RGL1: variants seen among roughly 807,000 people sequenced by gnomAD.
RGL1 encodes ral guanine nucleotide dissociation stimulator-like 1.
In RGL1, 24 loss-of-function variants were observed where a neutral mutation model predicts 95.2. The observed-to-expected ratio is 0.25, with a 90% CI of 0.18 to 0.35. RGL1 has a LOEUF of 0.35. Ranked by LOEUF, RGL1 falls within the 10% of genes least tolerant of loss-of-function variation. The probability of loss-of-function intolerance (pLI) is 1.00; values close to 1 mark genes in which losing one functional copy is unlikely to be tolerated. For missense variants in RGL1, 715 were observed against 936.3 expected (o/e 0.76, Z 3.08); for synonymous variants, 329 against 344.9 (o/e 0.95, Z 0.51).
chr1:183,676,039 CAGG>C (rs1217878857), intron 1 of RGL1, among the ~76,000 whole-genome samples: 3 of 152,038 alleles, frequency 2.0e-5, no homozygotes, highest in Admixed American at 1.3e-4. Flanking sequence ...CCCAACTACT[CAGG>C]AGGCTGAGGT....
intron 11 of RGL1, among the ~76,000 whole-genome samples, chr1:183,900,508 A>T (rs1470165430): frequency 6.6e-6 from 1 of 152,052 alleles, no homozygotes; most frequent in Admixed American, 6.6e-5. Flanking sequence ...GATGACAATT[A>T]TTATTATTTT....
At chr1:183,661,690 C>T (rs1244053252) in intron 1 of RGL1, among the ~76,000 whole-genome samples, 1 of 149,388 alleles carries the variant, frequency 6.7e-6, no homozygotes, top group African/African-American at 2.6e-5. Flanking sequence ...AGAGGGAATC[C>T]TCCCTAACTC....
chr1:183,735,802 C>T (rs1656903444), intron 1 of RGL1, among the ~76,000 whole-genome samples: 1 of 152,264 alleles, frequency 6.6e-6, no homozygotes, highest in African/African-American at 2.4e-5. Context: ...TCTGTCTGTG[C>T]CCCAGTTTCC....
chr1:183,916,573 C>A lies in RGL1; in HGVS notation c.1876C>A (p.Arg626Ser), dbSNP rs778051987. ...SCNNNPKIHK[R>S]SVSVTSITST... Reference sequence around the variant, plus strand: ...CAACAACAACCCCAAAATCCACAAGCGCTCTGTCTCGGTGACGTCCATTAC... The same window carrying A: ...CAACAACAACCCCAAAATCCACAAGAGCTCTGTCTCGGTGACGTCCATTAC... The change falls in exon 16 of 18, where the codon CGC becomes AGC. Residue 626 changes from arginine (R) to serine (S), a missense_variant. Around this residue, in one of 3 missense-constraint regions of RGL1, gnomAD observed 330 missense variants for 429.6 expected, o/e 0.77. Transcript: ENST00000360851. 6.2e-7 allele frequency: 1 copy of A among 1,613,990 alleles called. No individual in the cohort carries two copies. Among genetic ancestry groups the A allele is most frequent in the Non-Finnish European group, 8.5e-7 (1 of 1,179,986 alleles).
At chr1:183,788,219 C>T (rs1222382553) in intron 2 of RGL1, among the ~76,000 whole-genome samples, 1 of 152,186 alleles carries the variant, frequency 6.6e-6, no homozygotes. Flanking sequence ...CACATATCTG[C>T]TGTCTGCAAC....
chr1:183,895,203 G>A (rs1667621450), intron 9 of RGL1, among the ~76,000 whole-genome samples: 1 of 152,172 alleles, frequency 6.6e-6, no homozygotes, highest in African/African-American at 2.4e-5. Context: ...ATAATTGCTG[G>A]TAGCTACTGA....
At position 183,884,822 on chromosome 1, in the gene RGL1, A is replaced by G. The variant is rs1667022356; in HGVS notation, c.835A>G (p.Thr279Ala). 6.2e-7 allele frequency: 1 copy of G among 1,614,048 alleles called. No individual in the cohort carries two copies. The highest frequency in any genetic ancestry group is 8.5e-7 in the Non-Finnish European group (1 of 1,180,012). Residue 279 changes from threonine to alanine, a missense_variant, in exon 7 of 18, where the codon ACC becomes GCC. This residue lies in a region of RGL1 where 381 missense variants were observed against 484.8 expected (regional missense o/e 0.79). Coordinates refer to ENST00000360851, the MANE Select transcript of RGL1 (RefSeq NM_001297671.3). Reference sequence around the variant, plus strand: ...ACATTTGGCTCCTACGATCCGTGCCACCATCTCTCAGTTTAATACCCTCAC... The same window carrying G: ...ACATTTGGCTCCTACGATCCGTGCCGCCATCTCTCAGTTTAATACCCTCAC... ...NKHLAPTIRATISQFNTLTKC... is the reference protein window; with the variant it reads ...NKHLAPTIRAAISQFNTLTKC...
At chr1:183,743,087 C>G (rs188433080) in intron 2 of RGL1, among the ~76,000 whole-genome samples, 202 of 152,258 alleles carry the variant, frequency 1.3e-3, no homozygotes, top group South Asian at 3.5e-3. Flanking sequence ...TCATAGCTTA[C>G]TGCTGCCTGG....
intron 2 of RGL1, among the ~76,000 whole-genome samples, chr1:183,794,587 C>G (rs532819241): frequency 1.4e-4 from 22 of 152,270 alleles, no homozygotes; most frequent in Non-Finnish European, 2.9e-4. Context: ...TCACACTGTT[C>G]ATTTATCTTT....
intron 2 of RGL1, among the ~76,000 whole-genome samples, chr1:183,790,865 T>C (rs554252947): frequency 6.6e-6 from 1 of 152,212 alleles, no homozygotes; most frequent in South Asian, 2.1e-4. Flanking sequence ...CAGCCCACTC[T>C]ATCAGTTCTC....
intron 1 of RGL1, among the ~76,000 whole-genome samples, chr1:183,717,617 A>G (rs1043704284): frequency 3.9e-5 from 6 of 152,202 alleles, no homozygotes; most frequent in African/African-American, 1.4e-4. Context: ...CCTAAGAGAA[A>G]ATTCTATAGC....
At chr1:183,708,784 G>A (rs1219070934) in intron 1 of RGL1, among the ~76,000 whole-genome samples, 2 of 152,230 alleles carry the variant, frequency 1.3e-5, no homozygotes, top group African/African-American at 4.8e-5. Context: ...TGACTGGTGT[G>A]CATGCACAGA....
At chr1:183,653,658 C>T (rs1043862378) in intron 1 of RGL1, among the ~76,000 whole-genome samples, 6 of 152,204 alleles carry the variant, frequency 3.9e-5, no homozygotes, top group African/African-American at 1.4e-4. Flanking sequence ...TTGACTTCCT[C>T]CAAGAGGCCC....
At chr1:183,717,226 G>T (rs746979428) in intron 1 of RGL1, among the ~76,000 whole-genome samples, 1 of 152,080 alleles carries the variant, frequency 6.6e-6, no homozygotes, top group Non-Finnish European at 1.5e-5. Flanking sequence ...CTCTTTCACA[G>T]TTGCCCTTCT....
At position 183,648,013 on chromosome 1, in the gene RGL1, C is replaced by G. The variant is rs1650430369; in HGVS notation, c.-33+11512C>G. ...TTGTTTAAGGGGTAGCTCTCTAAAG[C>G]CTCCTGAGCTTTTGTGTTTGGATTC... On this transcript the variant is annotated intron_variant, in intron 1 of 18. Transcript: ENST00000304685. 3 of 1,614,204 alleles carry G rather than the reference C, an allele frequency of 1.9e-6. No homozygotes were observed. In the South Asian group the frequency reaches 3.3e-5, roughly 18 times the overall value.
chr1:183,645,261 G>A (rs1375918581), intron 1 of RGL1, among the ~76,000 whole-genome samples: 4 of 152,074 alleles, frequency 2.6e-5, no homozygotes, highest in Admixed American at 2.6e-4. Flanking sequence ...GTCTTTACAT[G>A]TCAATCTCAA....
rs535243739 is a variant in RGL1, at chr1:183,675,734, T to G, written c.-33+39233T>G. On this transcript the variant is annotated intron_variant, in intron 1 of 18. Transcript: ENST00000304685. ...TGAGCTAAAATATACTCTCCTGTAA[T>G]GCCTATCCTCTGCTCTTTAGTTTCT... 3.9e-5 allele frequency among the ~76,000 whole-genome samples: 6 copies of G among 152,316 alleles called. No individual in the cohort carries two copies. The East Asian group carries it at 1.2e-3, about 29-fold the overall frequency.
chr1:183,672,340 C>A (rs1433619780), intron 1 of RGL1, among the ~76,000 whole-genome samples: 2 of 152,100 alleles, frequency 1.3e-5, no homozygotes, highest in African/African-American at 4.8e-5. Flanking sequence ...GAAAAATAGT[C>A]ATTATTTTCT....
At chr1:183,773,767 C>T (rs1209548299) in intron 2 of RGL1, among the ~76,000 whole-genome samples, 1 of 152,156 alleles carries the variant, frequency 6.6e-6, no homozygotes, top group Non-Finnish European at 1.5e-5. Flanking sequence ...TCAAAACATT[C>T]ATCTTAAGTA....
Sources: gnomAD v4.1 joint callset for allele counts (sites outside exome capture counted in the v4.1 genomes callset) on GRCh38, gnomAD v4.1.1 for gene constraint, gnomAD v4.1.1 regional missense constraint, MANE v1.5 for transcripts, NCBI Gene and HGNC (gene_info 2026-07-23, HGNC 2026-07-21) for gene names.